Variants in ATG14 observed in about 807,000 individuals in gnomAD.
ATG14 encodes the protein beclin 1-associated autophagy-related key regulator.
A neutral mutation model predicts 60.4 loss-of-function variants in ATG14; 35 were observed. The ratio of observed to expected loss-of-function variants is 0.58; its 90% confidence interval spans 0.44 to 0.77. The LOEUF (loss-of-function observed/expected upper bound fraction) is 0.77, where lower values mean the gene tolerates loss of function less well. Ranked by LOEUF, ATG14 falls within the 30% of genes least tolerant of loss-of-function variation. ATG14 has a pLI of 0.00. For synonymous variants in ATG14, 234 were observed against 228.8 expected, an observed-to-expected ratio of 1.02 and a Z score of -0.21; for missense variants, 647 against 626.3, an observed-to-expected ratio of 1.03 and a Z score of -0.35.
intron 2 of ATG14, among the ~76,000 whole-genome samples, chr14:55,396,612 G>C (rs1418840887): frequency 6.6e-6 from 1 of 152,166 alleles, no homozygotes; most frequent in Non-Finnish European, 1.5e-5. Flanking sequence ...GGTTTGGGGA[G>C]ATGCCACAAA....
intron 6 of ATG14, among the ~76,000 whole-genome samples, 163 bp from the exon 7 acceptor site, chr14:55,380,853 G>GTATATATATATATATATA (rs1194666951): frequency 1.9e-5 from 2 of 107,998 alleles, no homozygotes; most frequent in African/African-American, 4.6e-5. Flanking sequence ...CATTCTTTGT[G>GTATATATATATATATATA]TGTATATATA....
intron 1 of ATG14, among the ~76,000 whole-genome samples, chr14:55,410,734 A>G (rs1566587747): frequency 6.6e-6 from 1 of 152,222 alleles, no homozygotes; most frequent in Non-Finnish European, 1.5e-5. Flanking sequence ...CAGCTTCCTA[A>G]TAAGTTGGGG....
chr14:55,401,594 C>A (rs1473245430), intron 1 of ATG14, among the ~76,000 whole-genome samples: 1 of 152,144 alleles, frequency 6.6e-6, no homozygotes, highest in Admixed American at 6.5e-5. Context: ...AAAAAGTATT[C>A]TCTCAAATGA....
chr14:55,378,950 C>T (rs1884973592), intron 7 of ATG14, among the ~76,000 whole-genome samples: 1 of 152,006 alleles, frequency 6.6e-6, no homozygotes, highest in South Asian at 2.1e-4. Context: ...TCAAGTGATC[C>T]TCCTGCCTCA....
rs1448024799 is a variant in ATG14, at chr14:55,369,693, T to C, written c.1405A>G (p.Ser469Gly). The C allele has an allele frequency of 5.6e-6, 9 of 1,603,798 alleles. No individual in the cohort carries two copies. Among genetic ancestry groups the C allele is most frequent in the Middle Eastern group, 1.7e-4 (1 of 6,010 alleles). The change falls in exon 10 of 10, where the codon AGT (serine) becomes GGT (glycine). Residue 469 changes from serine to glycine, a missense_variant. Ser to Gly is a moderately conservative substitution (Grantham distance 56). Transcript: ENST00000247178. Reference protein sequence around the residue: ...TQASPPIASSSAGGMISSAAA... With the variant: ...TQASPPIASSGAGGMISSAAA... ...GCAGAGGAGATCATCCCACCTGCAC[T>C]GCTGCTCGCGATGGGTGGGGACGCC... is the stretch of plus-strand genomic sequence containing the variant.
At chr14:55,409,956 A>G (rs1479892532) in intron 1 of ATG14, among the ~76,000 whole-genome samples, 3 of 152,180 alleles carry the variant, frequency 2.0e-5, no homozygotes, top group Non-Finnish European at 4.4e-5. Flanking sequence ...TGAAAGGGTA[A>G]GATTTAAGAT....
Position 55,377,740 on chromosome 14 carries a change from G to A in ATG14, c.1172+79C>T, listed in dbSNP as rs1305943341. Reference sequence around the variant, plus strand: ...TGAGGAGTTTGGGATTAGGGAACACGACTCTACTATGCCAACATACAACTC... The same window carrying A: ...TGAGGAGTTTGGGATTAGGGAACACAACTCTACTATGCCAACATACAACTC... On this transcript the variant is annotated intron_variant, in intron 9 of 9. Coordinates refer to ENST00000247178, the MANE Select transcript of ATG14 (RefSeq NM_014924.5). The A allele has an allele frequency of 1.1e-5, 12 of 1,052,644 alleles. No individual in the cohort carries two copies. In the Admixed American group the frequency reaches 2.5e-4, roughly 22 times the overall value. The allele number at this position is 1,052,644 out of a possible 1,614,324, so 65.2% of individuals were successfully genotyped here.
chr14:55,404,757 G>T (rs1282589037), intron 1 of ATG14, among the ~76,000 whole-genome samples: 4 of 152,036 alleles, frequency 2.6e-5, no homozygotes, highest in African/African-American at 9.7e-5. Flanking sequence ...ATAACAAAAT[G>T]GAATGTTTTT....
rs1335794454 is a variant in ATG14, at chr14:55,397,370, ACT to A, written c.284_284+1del. ...AATTAAAAGACAAAACAAAACACTCACTCTTTCTGAAATTCTTCTTGCTTGCT... is the reference window on the plus strand; with the variant it reads ...AATTAAAAGACAAAACAAAACACTCACTTTCTGAAATTCTTCTTGCTTGCT... On this transcript the variant is annotated splice_donor_variant and coding_sequence_variant, in exon 2 of 10. Transcript: ENST00000247178. LOFTEE classifies it high-confidence loss of function. 6.2e-7 allele frequency: 1 copy of A among 1,612,252 alleles called. No homozygotes were observed. The highest frequency in any genetic ancestry group is 1.7e-5 in the Admixed American group (1 of 59,958).
chr14:55,385,298 T>C (rs1323317343), intron 5 of ATG14, among the ~76,000 whole-genome samples: 1 of 152,152 alleles, frequency 6.6e-6, no homozygotes, highest in Admixed American at 6.5e-5. Flanking sequence ...GGTTTTTTTT[T>C]GTTTGTTTCT....
At chr14:55,376,720 G>T (rs958611750) in intron 9 of ATG14, among the ~76,000 whole-genome samples, 3 of 152,156 alleles carry the variant, frequency 2.0e-5, no homozygotes, top group Non-Finnish European at 4.4e-5. Context: ...AAACCCAAAA[G>T]AACTTTCCCG....
intron 3 of ATG14, chr14:55,395,117 C>A: frequency 2.1e-6 from 1 of 484,272 alleles, no homozygotes; most frequent in Non-Finnish European, 4.2e-6. Context: ...TTTCCTGCTG[C>A]TTTCTCAGCT....
At chr14:55,381,901 A>T (rs943715177) in intron 6 of ATG14, 61 bp downstream of exon 6, 7 of 1,423,080 alleles carry the variant, frequency 4.9e-6, no homozygotes, top group Non-Finnish European at 6.9e-6. Flanking sequence ...TCATTTTGTT[A>T]TGTCAATTTT....
intron 4 of ATG14, among the ~76,000 whole-genome samples, chr14:55,387,705 T>C (rs1283078786): frequency 6.6e-6 from 1 of 152,108 alleles, no homozygotes; most frequent in Non-Finnish European, 1.5e-5. Flanking sequence ...GTTTCGCTCT[T>C]GTTGCCCAGG....
intron 3 of ATG14, chr14:55,395,376 G>A (rs985291294): frequency 4.4e-6 from 1 of 225,810 alleles, no homozygotes; most frequent in Non-Finnish European, 8.8e-6. Context: ...TTTGTTTGAG[G>A]GAGTCTCACT....
intron 4 of ATG14, among the ~76,000 whole-genome samples, chr14:55,388,456 G>A (rs1380429134): frequency 3.3e-5 from 5 of 152,134 alleles, no homozygotes; most frequent in Non-Finnish European, 5.9e-5. Context: ...AAAATGTTTG[G>A]TGCTGTATCT....
intron 3 of ATG14, chr14:55,391,203 C>T (rs1488617143): frequency 1.9e-5 from 8 of 416,318 alleles, no homozygotes; most frequent in Non-Finnish European, 3.4e-5. Context: ...TAGGCCAGTG[C>T]GGTGGCTCAC....
At chr14:55,395,810 C>T (rs1441093073) in intron 3 of ATG14, 130 bp downstream of exon 3, 10 of 518,872 alleles carry the variant, frequency 1.9e-5, no homozygotes, top group South Asian at 9.0e-5. Flanking sequence ...GAGAAAGCCA[C>T]GCTACAAGTG....
At chr14:55,386,501 T>A (rs190163452) in intron 4 of ATG14, among the ~76,000 whole-genome samples, 89 of 152,348 alleles carry the variant, frequency 5.8e-4, no homozygotes, top group South Asian at 2.1e-4. Flanking sequence ...TAGGTGTGCC[T>A]TGGGCTATAA....
Sources: allele counts gnomAD v4.1 joint callset (sites outside exome capture counted in the v4.1 genomes callset), GRCh38; gene constraint gnomAD v4.1.1; transcripts MANE v1.5; gene names NCBI Gene and HGNC (gene_info 2026-07-23, HGNC 2026-07-21).